The following GPM6A variants were observed in gnomAD, a reference collection of about 807,000 sequenced individuals.
GPM6A encodes the protein neuronal membrane glycoprotein M6-a.
A neutral mutation model predicts 32.1 loss-of-function variants in GPM6A; 7 were observed. The observed-to-expected ratio is 0.22, with a 90% CI of 0.12 to 0.41. GPM6A has a LOEUF of 0.41. Among genes scored for constraint, GPM6A ranks in the 10% least tolerant of loss-of-function variants. The pLI is 1.00. For missense variants in GPM6A, 235 were observed against 347.2 expected (o/e 0.68, Z 2.57); for synonymous variants, 130 against 123.4 (o/e 1.05, Z -0.35).
intron 2 of GPM6A, among the ~76,000 whole-genome samples, chr4:175,692,607 ATTTTTCTCAG>A (rs922061650): frequency 6.6e-6 from 1 of 151,908 alleles, no homozygotes; most frequent in African/African-American, 2.4e-5. Flanking sequence ...AGCTGCAAAT[ATTTTTCTCAG>A]TTTTTTTAAA....
chr4:175,899,802 T>C (rs1037081834), intron 1 of GPM6A, among the ~76,000 whole-genome samples: 2 of 152,032 alleles, frequency 1.3e-5, no homozygotes, highest in Admixed American at 6.6e-5. Context: ...TACAGGACAT[T>C]GATCTCAGCA....
intron 1 of GPM6A, among the ~76,000 whole-genome samples, chr4:175,949,517 GTGTT>G (rs1408911677): frequency 6.6e-6 from 1 of 152,146 alleles, no homozygotes; most frequent in African/African-American, 2.4e-5. Flanking sequence ...ATCATTAACT[GTGTT>G]TGGCATATAT....
chr4:175,730,684 G>T (rs1294519318), intron 1 of GPM6A, among the ~76,000 whole-genome samples: 1 of 152,092 alleles, frequency 6.6e-6, no homozygotes, highest in African/African-American at 2.4e-5. Context: ...GTGTTAGCCA[G>T]GATGGTCTCG....
intron 1 of GPM6A, among the ~76,000 whole-genome samples, chr4:175,877,765 C>T (rs778824566): frequency 1.4e-4 from 22 of 152,278 alleles, no homozygotes; most frequent in Non-Finnish European, 3.1e-4. Flanking sequence ...TATGTCCTCA[C>T]ATTTCAAAAC....
chr4:175,982,683 C>T (rs1162012771), intron 1 of GPM6A, among the ~76,000 whole-genome samples: 1 of 152,082 alleles, frequency 6.6e-6, no homozygotes, highest in Non-Finnish European at 1.5e-5. Flanking sequence ...ATTAGCATGA[C>T]TTCTCCAATT....
At chr4:175,973,053 C>T (rs1164264233) in intron 1 of GPM6A, among the ~76,000 whole-genome samples, 1 of 152,054 alleles carries the variant, frequency 6.6e-6, no homozygotes, top group Non-Finnish European at 1.5e-5. Context: ...ACAGTGAACA[C>T]CCACCTGAAA....
rs572947253 is a variant in GPM6A at position 175,683,031 on chromosome 4, G to A, written c.231-9195C>T. The stretch of plus-strand genomic sequence containing the variant: ...GATCCACTGGTAGCTTGCACTCTGT[G>A]CCTCAAAAATATGCAGGCACTTAAA... On this transcript the variant is annotated intron_variant, in intron 2 of 6. Transcript: ENST00000393658. Among the ~76,000 whole-genome samples the A allele has an allele frequency of 9.2e-5, 14 of 152,262 alleles. No individual in the cohort carries two copies. In the South Asian group the frequency reaches 2.9e-3, roughly 32 times the overall value.
intron 3 of GPM6A, among the ~76,000 whole-genome samples, chr4:175,665,072 A>G (rs1459080439): frequency 6.6e-6 from 1 of 152,180 alleles, no homozygotes; most frequent in Non-Finnish European, 1.5e-5. Flanking sequence ...AGCCTACAGG[A>G]CCACCCTCTG....
At chr4:175,652,539 G>A (rs1478384717) in intron 3 of GPM6A, among the ~76,000 whole-genome samples, 3 of 151,550 alleles carry the variant, frequency 2.0e-5, no homozygotes, top group Non-Finnish European at 2.9e-5. Flanking sequence ...TTTGTTTTAT[G>A]CATGTTAATA....
chr4:175,848,930 T>C (rs931093269), intron 1 of GPM6A, among the ~76,000 whole-genome samples: 2 of 152,162 alleles, frequency 1.3e-5, no homozygotes, highest in African/African-American at 4.8e-5. Flanking sequence ...TAGATTCATA[T>C]GAGGAAAAGT....
intron 1 of GPM6A, among the ~76,000 whole-genome samples, chr4:175,771,330 T>C (rs1733178884): frequency 6.6e-6 from 1 of 151,996 alleles, no homozygotes; most frequent in Admixed American, 6.6e-5. Context: ...CCCAGGACTT[T>C]TGGGAGGCCG....
chr4:175,793,590 G>A (rs1215039030), intron 1 of GPM6A, among the ~76,000 whole-genome samples: 1 of 151,956 alleles, frequency 6.6e-6, no homozygotes, highest in Non-Finnish European at 1.5e-5. Context: ...TGGCCAGGCT[G>A]GTCTCAAACT....
chr4:175,636,824 A>ATATATTATATATAAAATATATATTTT (rs1579322508), intron 6 of GPM6A, among the ~76,000 whole-genome samples: 3 of 145,102 alleles, frequency 2.1e-5, no homozygotes, highest in East Asian at 3.9e-4. Flanking sequence ...TTTACATAAT[A>ATATATTATATATAAAATATATATTTT]TATATTATAT....
At chr4:175,856,670 T>G (rs1381840825) in intron 1 of GPM6A, among the ~76,000 whole-genome samples, 2 of 152,148 alleles carry the variant, frequency 1.3e-5, no homozygotes, top group East Asian at 3.9e-4. Flanking sequence ...ATGCAGAGGA[T>G]TTTTACTGAG....
chr4:175,728,398 A>T (rs7666814), intron 1 of GPM6A, among the ~76,000 whole-genome samples: 122,989 of 151,432 alleles, frequency 0.81, 50,352 homozygotes, highest in Non-Finnish European at 0.88. Flanking sequence ...TGAAAAGAAC[A>T]TAGAGCTTCT....
At chr4:175,903,250 T>G (rs1307331322) in intron 1 of GPM6A, among the ~76,000 whole-genome samples, 2 of 150,284 alleles carry the variant, frequency 1.3e-5, no homozygotes, top group African/African-American at 4.9e-5. Flanking sequence ...CATTTGACTA[T>G]CAAAATAAAT....
rs70962425 is a variant in GPM6A at position 175,853,504 on chromosome 4, C to CTTT, written c.-22-41258_-22-41256dup. On this transcript the variant is annotated intron_variant, in intron 1 of 7. Transcript: ENST00000280187. ...CAATAATTGGGAATTCAAACAAGTT[C>CTTT]TTTTTTTTTTTTTTTTTAGCTTTGC... 8.2e-3 allele frequency among the ~76,000 whole-genome samples: 1,122 copies of CTTT among 137,618 alleles called. 18 individuals are homozygous for CTTT. The highest frequency in any genetic ancestry group is 0.027 in the African/African-American group (1,011 of 37,580). The allele number at this position is 137,618 out of a possible 152,430, so 90.3% of individuals were successfully genotyped here.
At chr4:175,816,115 C>T (rs889619310), upstream of GPM6A, among the ~76,000 whole-genome samples, 5 of 152,120 alleles carry the variant, frequency 3.3e-5, no homozygotes, top group African/African-American at 7.2e-5. Flanking sequence ...CACGGGAGCC[C>T]GGGAGGTTGA....
rs534339103 is a variant in GPM6A, at chr4:175,883,289, G to A, written c.-22-71040C>T. ...TATCACTGTACAATAGAAATATAAT[G>A]TGAGCCATATATGTAATTTTAAATT... On this transcript the variant is annotated intron_variant, in intron 1 of 7. Coordinates refer to the GPM6A transcript ENST00000280187. Among the ~76,000 whole-genome samples, 3 of 152,164 alleles carry A rather than the reference G, an allele frequency of 2.0e-5. No individual in the cohort carries two copies. The South Asian group carries it at 6.2e-4, about 32-fold the overall frequency.
Sources: gnomAD v4.1 joint callset for allele counts (sites outside exome capture counted in the v4.1 genomes callset) on GRCh38, gnomAD v4.1.1 for gene constraint, MANE v1.5 for transcripts, NCBI Gene and HGNC (gene_info 2026-07-23, HGNC 2026-07-21) for gene names.